PIK3AP1: variants seen among roughly 807,000 people sequenced by gnomAD.
PIK3AP1 encodes the protein phosphoinositide-3-kinase adaptor protein 1.
PIK3AP1 carries 21 observed loss-of-function variants against 88.1 expected under a neutral mutation model. The observed-to-expected ratio is 0.24, with a 90% CI of 0.17 to 0.34. PIK3AP1 has a LOEUF of 0.34. PIK3AP1 is among the 10% of genes least tolerant of loss of function. The pLI, the probability that PIK3AP1 is intolerant of heterozygous loss-of-function variation, is 1.00. For missense variants in PIK3AP1, 828 were observed against 1,035.7 expected (o/e 0.80, Z 2.75); for synonymous variants, 398 against 400.0 (o/e 1.00, Z 0.06).
chr10:96,629,714 C>CAAAAAA (rs33921990), intron 8 of PIK3AP1, among the ~76,000 whole-genome samples: 26 of 70,820 alleles, frequency 3.7e-4, no homozygotes, highest in Admixed American at 4.5e-4. Context: ...CCCATCTCTA[C>CAAAAAA]AAAAAAAAAA....
At chr10:96,610,242 C>A (rs1165905830) in intron 13 of PIK3AP1, among the ~76,000 whole-genome samples, 1 of 152,182 alleles carries the variant, frequency 6.6e-6, no homozygotes, top group Non-Finnish European at 1.5e-5. Context: ...CTGAATCACT[C>A]CCCTTATCTG....
chr10:96,710,202 C>A (rs866014331), intron 1 of PIK3AP1, among the ~76,000 whole-genome samples: 10 of 148,146 alleles, frequency 6.8e-5, no homozygotes, highest in African/African-American at 2.6e-4. Flanking sequence ...CCAAACATAC[C>A]ACGCTGTTTT....
At chr10:96,654,169 A>G (rs1337368612) in intron 3 of PIK3AP1, among the ~76,000 whole-genome samples, 1 of 152,118 alleles carries the variant, frequency 6.6e-6, no homozygotes, top group Non-Finnish European at 1.5e-5. Context: ...TAATTTTCCC[A>G]AACCATCGAG....
At chr10:96,601,599 A>G (rs1564949935) in intron 16 of PIK3AP1, among the ~76,000 whole-genome samples, 1 of 152,012 alleles carries the variant, frequency 6.6e-6, no homozygotes, top group African/African-American at 2.4e-5. Flanking sequence ...TCCCACCACC[A>G]TACGATGTAG....
At chr10:96,681,589 G>A (rs1844001368) in intron 2 of PIK3AP1, among the ~76,000 whole-genome samples, 2 of 152,152 alleles carry the variant, frequency 1.3e-5, no homozygotes, top group Admixed American at 6.5e-5. Context: ...CTGGAAACTT[G>A]GGCCCAAAAG....
chr10:96,709,131 CAAAAA>C (rs113424134), intron 2 of PIK3AP1, among the ~76,000 whole-genome samples: 1 of 79,638 alleles, frequency 1.3e-5, no homozygotes, highest in Admixed American at 1.5e-4. Flanking sequence ...GACTCCGACT[CAAAAA>C]AAAAAAAAAA....
Position 96,620,352 on chromosome 10 carries a change from C to G in PIK3AP1, c.1941G>C (p.Gln647His). 1 of 1,613,776 alleles carries G rather than the reference C, an allele frequency of 6.2e-7. No individual in the cohort carries two copies. The highest frequency in any genetic ancestry group is 8.5e-7 in the Non-Finnish European group (1 of 1,179,718). ...ACAAATTCCATACGAAGCTAGTTAC[C>G]TGCTGGAAACGAAAGGACTCCGATC... Reference protein sequence around the residue: ...KKRSESFRFQQENLKRLRDSI... With the variant: ...KKRSESFRFQHENLKRLRDSI... The change falls in exon 12 of 17, where the codon CAG becomes CAC. Residue 647 changes from glutamine to histidine, a missense_variant and splice_region_variant. By Grantham distance (24) the Gln-to-His change is conservative. This residue lies in a region of PIK3AP1 where 191 missense variants were observed against 208.6 expected (regional missense o/e 0.92). Transcript: ENST00000339364.
rs1342091101 is a variant in PIK3AP1 at position 96,652,685 on chromosome 10, G to A, written c.712+13C>T. ...GAAGCCCTATGTCATCACATTCACA[G>A]GGGACTACTTACTGGGAGCCTTCAC... On this transcript the variant is annotated intron_variant, in intron 4 of 16. Coordinates refer to ENST00000339364, the MANE Select transcript of PIK3AP1 (RefSeq NM_152309.3). 2 of 1,613,836 alleles carry A rather than the reference G, an allele frequency of 1.2e-6. No individual in the cohort carries two copies. Among genetic ancestry groups the A allele is most frequent in the Admixed American group, 1.7e-5 (1 of 60,018 alleles).
intron 2 of PIK3AP1, among the ~76,000 whole-genome samples, chr10:96,660,196 A>AAT (rs1474308050): frequency 6.6e-6 from 1 of 152,230 alleles, no homozygotes; most frequent in Non-Finnish European, 1.5e-5. Context: ...TCTGGGAGAA[A>AAT]ATATTGCAAA....
chr10:96,675,016 C>T (rs1399109238), intron 2 of PIK3AP1, among the ~76,000 whole-genome samples: 1 of 152,188 alleles, frequency 6.6e-6, no homozygotes, highest in Non-Finnish European at 1.5e-5. Flanking sequence ...CCACAGCCTC[C>T]TGAGTAGATG....
intron 2 of PIK3AP1, among the ~76,000 whole-genome samples, chr10:96,668,401 T>C (rs569095508): frequency 1.3e-5 from 2 of 152,340 alleles, no homozygotes; most frequent in East Asian, 3.9e-4. Context: ...TCCATTTTGT[T>C]AAACTAATTA....
At chr10:96,636,514 TG>T (rs1367985720) in intron 8 of PIK3AP1, among the ~76,000 whole-genome samples, 2 of 152,164 alleles carry the variant, frequency 1.3e-5, no homozygotes, top group African/African-American at 4.8e-5. Flanking sequence ...CTCTGTTAAG[TG>T]AAGGGAGTCT....
At chr10:96,679,480 A>T (rs1433329336) in intron 2 of PIK3AP1, among the ~76,000 whole-genome samples, 1 of 151,934 alleles carries the variant, frequency 6.6e-6, no homozygotes, top group Non-Finnish European at 1.5e-5. Context: ...GTAAGCCGAG[A>T]TCTCGCTGCT....
intron 1 of PIK3AP1, among the ~76,000 whole-genome samples, chr10:96,714,388 G>A (rs749144158): frequency 7.4e-4 from 113 of 152,320 alleles, no homozygotes; most frequent in Non-Finnish European, 1.3e-3. Context: ...TGCTGCTGCT[G>A]CCCAAGTGCA....
chr10:96,616,603 G>GT (rs1365682512), intron 13 of PIK3AP1, 36 bp downstream of exon 13: 1 of 1,603,670 alleles, frequency 6.2e-7, no homozygotes, highest in Non-Finnish European at 8.5e-7. Flanking sequence ...TGACAGCAAT[G>GT]TCCCACACAA....
intron 2 of PIK3AP1, among the ~76,000 whole-genome samples, chr10:96,705,785 G>C (rs1248445203): frequency 6.7e-6 from 1 of 148,256 alleles, no homozygotes; most frequent in Non-Finnish European, 1.5e-5. Flanking sequence ...GTTTTGCCAT[G>C]TTGTCCAGAC....
intron 1 of PIK3AP1, among the ~76,000 whole-genome samples, chr10:96,719,335 A>C (rs1844542591): frequency 6.6e-6 from 1 of 152,158 alleles, no homozygotes. Context: ...CTGTAAGAAC[A>C]GTGCCTTCTC....
intron 8 of PIK3AP1, among the ~76,000 whole-genome samples, chr10:96,633,729 A>G (rs929784910): frequency 1.3e-5 from 2 of 152,234 alleles, no homozygotes; most frequent in Non-Finnish European, 2.9e-5. Context: ...TTATGAGTTC[A>G]TTGTAATATT....
chr10:96,647,121 C>T (rs1014881621), intron 7 of PIK3AP1, among the ~76,000 whole-genome samples: 20 of 152,188 alleles, frequency 1.3e-4, no homozygotes, highest in African/African-American at 4.1e-4. Context: ...GAAGCTGCAT[C>T]GGTTGAAGGT....
Sources: gnomAD v4.1 joint callset for allele counts (sites outside exome capture counted in the v4.1 genomes callset) on GRCh38, gnomAD v4.1.1 for gene constraint, gnomAD v4.1.1 regional missense constraint, MANE v1.5 for transcripts, NCBI Gene and HGNC (gene_info 2026-07-23, HGNC 2026-07-21) for gene names.